LIN28B: variants seen among roughly 807,000 people sequenced by gnomAD.
The protein encoded by LIN28B is lin-28 RNA binding posttranscriptional regulator B.
LIN28B carries 5 observed loss-of-function variants against 21.9 expected under a neutral mutation model. The ratio of observed to expected loss-of-function variants is 0.23; its 90% CI spans 0.12 to 0.48. The LOEUF (loss-of-function observed/expected upper bound fraction) is 0.48. Ranked by LOEUF, LIN28B falls within the 20% of genes least tolerant of loss-of-function variation. The pLI, the probability that LIN28B is intolerant of heterozygous loss-of-function variation, is 0.98. For missense variants in LIN28B, 245 were observed against 310.5 expected, an observed-to-expected ratio of 0.79 and a Z score of 1.58; for synonymous variants, 109 against 111.3, an observed-to-expected ratio of 0.98 and a Z score of 0.13.
intron 3 of LIN28B, among the ~76,000 whole-genome samples, chr6:105,076,940 T>A (rs187711008): frequency 6.6e-6 from 1 of 151,760 alleles, no homozygotes; most frequent in Non-Finnish European, 1.5e-5. Flanking sequence ...TTAAAAACAT[T>A]ATAACCTGGC....
At chr6:105,002,839 A>G (rs529125226) in intron 2 of LIN28B, among the ~76,000 whole-genome samples, 1 of 152,334 alleles carries the variant, frequency 6.6e-6, no homozygotes, top group South Asian at 2.1e-4. Context: ...GTAGAGGACA[A>G]CTTTGTTCAA....
upstream of LIN28B, chr6:104,957,080 G>T: frequency 6.7e-7 from 1 of 1,498,086 alleles, no homozygotes; most frequent in East Asian, 2.5e-5. Flanking sequence ...CAGGGGGCCA[G>T]AAACTGGAGA....
At chr6:105,042,294 T>C (rs919629757) in intron 3 of LIN28B, among the ~76,000 whole-genome samples, 1 of 152,234 alleles carries the variant, frequency 6.6e-6, no homozygotes, top group East Asian at 1.9e-4. Context: ...TGTAAACTGT[T>C]ACTGTTTTTC....
At chr6:104,995,791 T>G (rs1354116695) in intron 2 of LIN28B, among the ~76,000 whole-genome samples, 1 of 151,850 alleles carries the variant, frequency 6.6e-6, no homozygotes, top group East Asian at 1.9e-4. Context: ...AATAAATACA[T>G]GTAATAAGAA....
At chr6:104,945,238 T>C (rs1778143042) in intron 2 of LIN28B, among the ~76,000 whole-genome samples, 1 of 152,094 alleles carries the variant, frequency 6.6e-6, no homozygotes, top group African/African-American at 2.4e-5. Flanking sequence ...AATCCTATTA[T>C]TTTTATTTGC....
chr6:104,982,857 G>T (rs925578413), intron 2 of LIN28B, among the ~76,000 whole-genome samples: 1 of 152,144 alleles, frequency 6.6e-6, no homozygotes, highest in Non-Finnish European at 1.5e-5. Flanking sequence ...AAAGTACAGT[G>T]TTGTGATCAT....
chr6:104,969,775 A>G (rs1769936471), intron 2 of LIN28B, among the ~76,000 whole-genome samples: 2 of 152,186 alleles, frequency 1.3e-5, no homozygotes, highest in Non-Finnish European at 1.5e-5. Context: ...AAAAAGCCCT[A>G]AAGTATTTTA....
chr6:105,042,294 T>TA (rs995376312), intron 3 of LIN28B, among the ~76,000 whole-genome samples: 3 of 152,234 alleles, frequency 2.0e-5, no homozygotes, highest in Non-Finnish European at 2.9e-5. Context: ...TGTAAACTGT[T>TA]ACTGTTTTTC....
intron 3 of LIN28B, among the ~76,000 whole-genome samples, chr6:105,060,228 A>C (rs1258823966): frequency 1.3e-5 from 2 of 151,876 alleles, no homozygotes; most frequent in East Asian, 3.9e-4. Context: ...TAATAATACA[A>C]GGTGAAGGTG....
chr6:104,957,607 TG>T (rs949594065), intron 1 of LIN28B, among the ~76,000 whole-genome samples: 1 of 151,778 alleles, frequency 6.6e-6, no homozygotes, highest in African/African-American at 2.4e-5. Context: ...TTGAAAGTTA[TG>T]GGGGGGAGGG....
At chr6:104,975,928 C>A (rs1423797664) in intron 2 of LIN28B, among the ~76,000 whole-genome samples, 1 of 151,616 alleles carries the variant, frequency 6.6e-6, no homozygotes, top group Non-Finnish European at 1.5e-5. Context: ...CCGATTACCC[C>A]ACCTTGGCCT....
At chr6:105,044,970 CA>C (rs1412509249) in intron 3 of LIN28B, among the ~76,000 whole-genome samples, 5 of 152,018 alleles carry the variant, frequency 3.3e-5, no homozygotes, top group Non-Finnish European at 7.4e-5. Flanking sequence ...AGTTCGAGAC[CA>C]GCTCAGGCAA....
At chr6:104,976,432 G>T (rs1169136375) in intron 2 of LIN28B, among the ~76,000 whole-genome samples, 2 of 152,150 alleles carry the variant, frequency 1.3e-5, no homozygotes, top group Non-Finnish European at 2.9e-5. Context: ...GTGGGCAGAG[G>T]CTTTGTGGCA....
At chr6:105,065,273 G>A (rs1371958141) in intron 3 of LIN28B, among the ~76,000 whole-genome samples, 1 of 152,186 alleles carries the variant, frequency 6.6e-6, no homozygotes, top group African/African-American at 2.4e-5. Context: ...GCAAGGAGGA[G>A]GAAAGGAAGT....
At chr6:105,021,703 A>C (rs1207906501) in intron 2 of LIN28B, among the ~76,000 whole-genome samples, 1 of 152,084 alleles carries the variant, frequency 6.6e-6, no homozygotes, top group African/African-American at 2.4e-5. Flanking sequence ...AGTTCCTTGT[A>C]TATTCTGGAT....
intron 2 of LIN28B, among the ~76,000 whole-genome samples, chr6:105,007,919 A>G (rs1437922828): frequency 1.3e-5 from 2 of 152,226 alleles, no homozygotes; most frequent in Non-Finnish European, 2.9e-5. Context: ...TGTTGGTATT[A>G]CAGGCGTGAG....
chr6:105,007,529 CTCTT>C (rs915682751), intron 2 of LIN28B, among the ~76,000 whole-genome samples: 3 of 151,180 alleles, frequency 2.0e-5, no homozygotes, highest in African/African-American at 7.3e-5. Flanking sequence ...TTAAATATAT[CTCTT>C]TTTTTTTTTT....
At position 105,083,066 on chromosome 6, in the gene LIN28B, A is replaced by G. The variant is rs1016327599; in HGVS notation, c.*4283A>G. On this transcript the variant is annotated 3_prime_UTR_variant, in exon 4 of 4. Coordinates refer to ENST00000345080, the MANE Select transcript of LIN28B (RefSeq NM_001004317.4). ...TCCTGTGTAGTATTTAGATTACCTC[A>G]TTGTCCATTTTGACTCATGTTGTTT... 3 of 152,592 alleles carry G rather than the reference A, an allele frequency of 2.0e-5. No homozygotes were observed. Among genetic ancestry groups the G allele is most frequent in the African/African-American group, 7.2e-5 (3 of 41,444 alleles). The allele number at this position is 152,592 out of a possible 1,614,324, so 9.5% of individuals were successfully genotyped here.
rs577430625 is a variant in LIN28B at position 105,050,951 on chromosome 6, A to C, written c.383+24469A>C. Among the ~76,000 whole-genome samples the C allele has an allele frequency of 2.2e-4, 34 of 151,580 alleles. 2 individuals are homozygous for C. The highest frequency in any genetic ancestry group is 8.1e-4 in the African/African-American group (33 of 40,956). ...TATATAGGGCTAGGAGTGGTGGCTC[A>C]TGGCTGTAATCCCAGCACTTTGGGA... On this transcript the variant is annotated intron_variant, in intron 3 of 3. Transcript: ENST00000345080.
Sources: gnomAD v4.1 joint callset for allele counts (sites outside exome capture counted in the v4.1 genomes callset) on GRCh38, gnomAD v4.1.1 for gene constraint, MANE v1.5 for transcripts, NCBI Gene and HGNC (gene_info 2026-07-23, HGNC 2026-07-21) for gene names.